Variants in RFNG observed in about 807,000 individuals in gnomAD.
The protein encoded by RFNG is RFNG O-fucosylpeptide 3-beta-N-acetylglucosaminyltransferase.
A neutral mutation model predicts 29.6 loss-of-function variants in RFNG; 37 were observed. That is an observed-to-expected ratio of 1.25 (90% confidence interval 0.96 to 1.65). The LOEUF is 1.65. Ranked by LOEUF, RFNG falls within the 40% of genes most tolerant of loss-of-function variation. The pLI, the probability that RFNG is intolerant of heterozygous loss-of-function variation, is 0.00. For missense variants in RFNG, 546 were observed against 457.0 expected (o/e 1.19, Z -1.78); for synonymous variants, 276 against 197.3 (o/e 1.40, Z -3.34).
intron 2 of RFNG, 79 bp from the exon 3 acceptor site, chr17:82,050,843 A>C (rs138695367): frequency 4.7e-6 from 7 of 1,500,682 alleles, no homozygotes; most frequent in African/African-American, 4.1e-5. Context: ...ACCTGCCCCC[A>C]AGGGCCAGGG....
At chr17:82,050,082 A>G (rs2030232176) in intron 4 of RFNG, 76 bp from the exon 5 acceptor site, 1 of 1,295,038 alleles carries the variant, frequency 7.7e-7, no homozygotes, top group Middle Eastern at 1.8e-4. Flanking sequence ...CTCCCCAGGC[A>G]TCTTTCTTAA....
rs1265333629 is a variant in RFNG, at chr17:82,048,632, C to A, written c.*94G>T. 2 of 989,158 alleles carry A rather than the reference C, an allele frequency of 2.0e-6. No individual in the cohort carries two copies. The highest frequency in any genetic ancestry group is 3.2e-6 in the Non-Finnish European group (2 of 629,234). 61.3% of individuals were successfully genotyped at this position (989,158 alleles called of 1,614,324 possible). A position where few individuals can be genotyped will look rare whatever the true frequency, so the allele number is the denominator to read the frequency against. Reference sequence around the variant, plus strand: ...GGTGCCTGCATCTCACTGGTGTGGCCGTGGCACCTGAGGGAGCCCACTGAG... The same window carrying A: ...GGTGCCTGCATCTCACTGGTGTGGCAGTGGCACCTGAGGGAGCCCACTGAG... On this transcript the variant is annotated 3_prime_UTR_variant, in exon 8 of 8. Transcript: ENST00000310496.
Position 82,050,649 on chromosome 17 carries a change from C to T in RFNG, c.419+13G>A. The stretch of plus-strand genomic sequence containing the variant: ...GCTCTGAGCTCTCTGCGGGTCGGGT[C>T]AGCGCCGCGTACTTGCGCCCGGACT... On this transcript the variant is annotated intron_variant, in intron 3 of 7. Transcript: ENST00000310496. 1 of 1,612,542 alleles carries T rather than the reference C, an allele frequency of 6.2e-7. No individual in the cohort carries two copies.
Position 82,051,104 on chromosome 17 carries a change from T to C in RFNG, c.316+190A>G, listed in dbSNP as rs1046936156. On this transcript the variant is annotated intron_variant, in intron 2 of 7. Transcript: ENST00000310496. This position sits in a 1 kb window ranked among gnomAD's most constrained non-coding sequence, Gnocchi z 4.1. ...GGAAGCGGCTAGTGTGAGAGGCTGG[T>C]GGGGAGCAGAGCTTGGCTGGCAGGG... The C allele has an allele frequency of 2.3e-5, 31 of 1,352,980 alleles. No individual in the cohort carries two copies. The highest frequency in any genetic ancestry group is 2.8e-5 in the Non-Finnish European group (30 of 1,058,036). 83.8% of individuals were successfully genotyped at this position (1,352,980 alleles called of 1,614,324 possible).
rs180981081 is a variant in RFNG at position 82,050,781 on chromosome 17, G to A, written c.317-17C>T. On this transcript the variant is annotated splice_polypyrimidine_tract_variant and intron_variant, in intron 2 of 7. Coordinates refer to ENST00000310496, the MANE Select transcript of RFNG (RefSeq NM_002917.2). ...CACGGTCGCCTGCGAATCAGAGACG[G>A]GAAGCACGCACGTAGAGGATGGCAC... is the stretch of plus-strand genomic sequence containing the variant. The A allele has an allele frequency of 6.2e-3, 9,914 of 1,611,314 alleles. 54 individuals carry two copies. Among genetic ancestry groups the A allele is most frequent in the Non-Finnish European group, 6.6e-3 (7,723 of 1,179,046 alleles).
rs2030165498 is a variant in RFNG at position 82,049,791 on chromosome 17, G to A, written c.714C>T (p.Cys238=). The A allele has an allele frequency of 1.9e-6, 3 of 1,545,038 alleles. No homozygotes were observed. The highest frequency in any genetic ancestry group is 1.4e-5 in the African/African-American group (1 of 72,688). The change falls in exon 6 of 8, where the codon TGC becomes TGT. Residue 238 remains cysteine (C), a synonymous_variant. Coordinates refer to ENST00000310496, the MANE Select transcript of RFNG (RefSeq NM_002917.2). ...TAEQVRLPDD[C]TVGYIVEGLL... Reference sequence around the variant, plus strand: ...GCCCCTCCACGATGTAGCCAACTGTGCAGTCATCCGGCAGCCGCACCTGCT... The same window carrying A: ...GCCCCTCCACGATGTAGCCAACTGTACAGTCATCCGGCAGCCGCACCTGCT...
rs569315188 is a variant in RFNG at position 82,049,588 on chromosome 17, C to A, written c.828+89G>T. ...TGCAAATCCCACCTGCCTGCTCAGC[C>A]GGGCATCGGGCCGGGGCAGTGGGGC... On this transcript the variant is annotated intron_variant, in intron 6 of 7. Transcript: ENST00000310496. The A allele has an allele frequency of 9.9e-6, 14 of 1,412,692 alleles. No homozygotes were observed. In the South Asian group the frequency reaches 1.5e-4, roughly 15 times the overall value. The allele number at this position is 1,412,692 out of a possible 1,614,324, so 87.5% of individuals were successfully genotyped here.
At position 82,049,856 on chromosome 17, in the gene RFNG, G is replaced by A. The variant is rs199670722; in HGVS notation, c.663-14C>T. 29 of 1,609,486 alleles carry A rather than the reference G, an allele frequency of 1.8e-5. No individual in the cohort carries two copies. In the East Asian group the frequency reaches 2.7e-4, roughly 15 times the overall value. On this transcript the variant is annotated splice_polypyrimidine_tract_variant and intron_variant, in intron 5 of 7. Transcript: ENST00000310496. ...AAGCTGCCCAGGCTGGGGGGAGGCC[G>A]GTCAGCACCTTTCAGGTCTCAGCCT...
intron 2 of RFNG, 157 bp from the exon 3 acceptor site, chr17:82,050,921 G>A: frequency 2.1e-6 from 3 of 1,403,756 alleles, no homozygotes; most frequent in South Asian, 1.5e-5. Context: ...GCCCTCACGC[G>A]CTGACCCTGC....
intron 4 of RFNG, 177 bp from the exon 5 acceptor site, chr17:82,050,183 C>T (rs2030257638): frequency 1.3e-6 from 1 of 775,348 alleles, no homozygotes; most frequent in Admixed American, 2.7e-5. Flanking sequence ...CCGTAGCCTC[C>T]AGACCCTCCC....
chr17:82,048,816 G>T lies in RFNG; in HGVS notation c.915-9C>A. The T allele has an allele frequency of 6.2e-7, 1 of 1,609,690 alleles. No individual in the cohort carries two copies. The highest frequency in any genetic ancestry group is 1.1e-5 in the South Asian group (1 of 90,988). Reference sequence around the variant, plus strand: ...AATGGATAGACTTAAACCTGGGGAAGGAAGAAGTAGGGGTCAGGGCCGTGG... The same window carrying T: ...AATGGATAGACTTAAACCTGGGGAATGAAGAAGTAGGGGTCAGGGCCGTGG... On this transcript the variant is annotated splice_polypyrimidine_tract_variant and intron_variant, in intron 7 of 7. Coordinates refer to ENST00000310496, the MANE Select transcript of RFNG (RefSeq NM_002917.2).
Position 82,051,091 on chromosome 17 carries a change from T to C in RFNG, c.316+203A>G, listed in dbSNP as rs1310822292. 8.1e-6 allele frequency: 11 copies of C among 1,365,058 alleles called. No homozygotes were observed. Among genetic ancestry groups the C allele is most frequent in the Non-Finnish European group, 1.0e-5 (11 of 1,064,542 alleles). 84.6% of individuals were successfully genotyped at this position (1,365,058 alleles called of 1,614,324 possible). A position where few individuals can be genotyped will look rare whatever the true frequency, so the allele number is the denominator to read the frequency against. On this transcript the variant is annotated intron_variant, in intron 2 of 7. Coordinates refer to ENST00000310496, the MANE Select transcript of RFNG (RefSeq NM_002917.2). The surrounding 1 kb of genome is among the most constrained non-coding windows in gnomAD (Gnocchi z 4.1). ...GCCCCACGCCCCGGGAAGCGGCTAG[T>C]GTGAGAGGCTGGTGGGGAGCAGAGC...
At chr17:82,050,577 G>C in intron 3 of RFNG, 22 bp from the exon 4 acceptor site, 2 of 1,609,074 alleles carry the variant, frequency 1.2e-6, no homozygotes, top group Non-Finnish European at 1.7e-6. Flanking sequence ...GGGAGTCCTG[G>C]GCACGAGGGC....
At position 82,051,018 on chromosome 17, in the gene RFNG, T is replaced by C. The variant is rs1378838977; in HGVS notation, c.317-254A>G. The C allele has an allele frequency of 1.4e-6, 2 of 1,400,434 alleles. No individual in the cohort carries two copies. Among genetic ancestry groups the C allele is most frequent in the Admixed American group, 6.4e-5 (2 of 31,496 alleles). The allele number at this position is 1,400,434 out of a possible 1,614,324, so 86.8% of individuals were successfully genotyped here. A position where few individuals can be genotyped will look rare whatever the true frequency, so the allele number is the denominator to read the frequency against. The stretch of plus-strand genomic sequence containing the variant: ...GGAGGCAGCTCGCCCTGACCTGGCC[T>C]GGAAGGGCGGATTCCCTGCTGGCGC... On this transcript the variant is annotated intron_variant, in intron 2 of 7. Coordinates refer to ENST00000310496, the MANE Select transcript of RFNG (RefSeq NM_002917.2). This position sits in a 1 kb window ranked among gnomAD's most constrained non-coding sequence, Gnocchi z 4.1.
rs1420838764 is a variant in RFNG at position 82,048,138 on chromosome 17, T to C, written c.*588A>G. On this transcript the variant is annotated 3_prime_UTR_variant, in exon 8 of 8. Transcript: ENST00000310496. ...GCCACAAGTCAGAGCGGAGAAAACA[T>C]CTCTGTGGTCCCAGTCAAGAGGCCT... The C allele has an allele frequency of 6.5e-6, 1 of 154,364 alleles. No homozygotes were observed. The highest frequency in any genetic ancestry group is 1.9e-4 in the East Asian group (1 of 5,204). 9.6% of individuals were successfully genotyped at this position (154,364 alleles called of 1,614,324 possible).
Position 82,051,632 on chromosome 17 carries a change from C to A in RFNG, c.135G>T (p.Ala45=), listed in dbSNP as rs2030627078. The change falls in exon 1 of 8, where the codon GCG becomes GCT. Residue 45 remains alanine, a synonymous_variant. Coordinates refer to ENST00000310496, the MANE Select transcript of RFNG (RefSeq NM_002917.2). The surrounding 1 kb of genome is among the most constrained non-coding windows in gnomAD (Gnocchi z 4.1). ...TGGGGGCAGCGGGCCGGGACGGGGG[C>A]GCGCGCGGGGCCGGGGCGGGGGTCC... ...PARTPAPAPR[A]PPSRPAAPSL... The A allele has an allele frequency of 3.6e-6, 4 of 1,102,350 alleles. No homozygotes were observed. The highest frequency in any genetic ancestry group is 4.4e-6 in the Non-Finnish European group (4 of 901,900). The allele number at this position is 1,102,350 out of a possible 1,614,324, so 68.3% of individuals were successfully genotyped here. A position where few individuals can be genotyped will look rare whatever the true frequency, so the allele number is the denominator to read the frequency against.
At position 82,049,121 on chromosome 17, in the gene RFNG, G is replaced by A. The variant is rs78793795; in HGVS notation, c.829-5C>T. 8 of 1,612,360 alleles carry A rather than the reference G, an allele frequency of 5.0e-6. No homozygotes were observed. Among genetic ancestry groups the A allele is most frequent in the Non-Finnish European group, 4.2e-6 (5 of 1,179,096 alleles). On this transcript the variant is annotated splice_region_variant and splice_polypyrimidine_tract_variant and intron_variant, in intron 6 of 7. Coordinates refer to ENST00000310496, the MANE Select transcript of RFNG (RefSeq NM_002917.2). The stretch of plus-strand genomic sequence containing the variant: ...ACCCCCATGGCTCAAGGTAACCTGG[G>A]AGGGAAGGGTGTGGGCAGAGTGTGT...
Position 82,049,127 on chromosome 17 carries a change from AG to A in RFNG, c.829-12del. 6.2e-7 allele frequency: 1 copy of A among 1,610,866 alleles called. No homozygotes were observed. The highest frequency in any genetic ancestry group is 8.5e-7 in the Non-Finnish European group (1 of 1,177,876). On this transcript the variant is annotated splice_polypyrimidine_tract_variant and intron_variant, in intron 6 of 7. Transcript: ENST00000310496. The stretch of plus-strand genomic sequence containing the variant: ...ATGGCTCAAGGTAACCTGGGAGGGA[AG>A]GGTGTGGGCAGAGTGTGTGGCCTGG...
rs747539288 is a variant in RFNG, at chr17:82,049,135, G to A, written c.829-19C>T. The A allele has an allele frequency of 2.0e-5, 32 of 1,604,604 alleles. No homozygotes were observed. Among genetic ancestry groups the A allele is most frequent in the Non-Finnish European group, 2.1e-5 (25 of 1,172,808 alleles). On this transcript the variant is annotated intron_variant, in intron 6 of 7. Coordinates refer to ENST00000310496, the MANE Select transcript of RFNG (RefSeq NM_002917.2). The stretch of plus-strand genomic sequence containing the variant: ...AGGTAACCTGGGAGGGAAGGGTGTG[G>A]GCAGAGTGTGTGGCCTGGTCTGGTC...
Sources: allele counts gnomAD v4.1 joint callset, GRCh38; gene constraint gnomAD v4.1.1; non-coding constraint Gnocchi (gnomAD v3.1); transcripts MANE v1.5; gene names NCBI Gene and HGNC (gene_info 2026-07-23, HGNC 2026-07-21).